Variants in IFT80 observed in about 807,000 individuals in gnomAD.
IFT80 encodes intraflagellar transport 80, also known as intraflagellar transport protein 80 homolog.
A neutral mutation model predicts 107.9 loss-of-function variants in IFT80; 79 were observed. The observed-to-expected ratio is 0.73, with a 90% CI of 0.61 to 0.88. IFT80 has a LOEUF of 0.88. Ranked by LOEUF, IFT80 falls within the 40% of genes least tolerant of loss-of-function variation. The pLI is 0.00. For synonymous variants in IFT80, 299 were observed against 300.9 expected (o/e 0.99, Z 0.07); for missense variants, 797 against 914.2 (o/e 0.87, Z 1.65).
At chr3:160,363,723 T>C (rs1284088071) in intron 6 of IFT80, among the ~76,000 whole-genome samples, 1 of 152,162 alleles carries the variant, frequency 6.6e-6, no homozygotes, top group African/African-American at 2.4e-5. Context: ...AACCATCTGA[T>C]CTTTGACAAA....
At chr3:160,285,995 T>G in intron 12 of IFT80, 127 bp from the exon 13 acceptor site, 1 of 616,084 alleles carries the variant, frequency 1.6e-6, no homozygotes, top group South Asian at 2.3e-5. Context: ...AGCAGCAGCA[T>G]CCAATTTTAA....
chr3:160,387,429 G>A (rs537549144), intron 1 of IFT80, among the ~76,000 whole-genome samples: 118 of 152,244 alleles, frequency 7.8e-4, no homozygotes, highest in African/African-American at 2.6e-3. Context: ...GCTTGAACCC[G>A]GGAAGTGGAG....
chr3:160,382,710 C>T (rs1712617039), intron 2 of IFT80, among the ~76,000 whole-genome samples: 1 of 152,068 alleles, frequency 6.6e-6, no homozygotes, highest in African/African-American at 2.4e-5. Flanking sequence ...CTTTTATTTC[C>T]TTCTTTTCTC....
chr3:160,275,044 A>T (rs1714144336), intron 18 of IFT80, among the ~76,000 whole-genome samples: 1 of 152,194 alleles, frequency 6.6e-6, no homozygotes, highest in African/African-American at 2.4e-5. Flanking sequence ...GTGCTTATTT[A>T]TATGTAAACC....
intron 19 of IFT80, among the ~76,000 whole-genome samples, chr3:160,260,276 T>C (rs1355322387): frequency 6.6e-6 from 1 of 152,216 alleles, no homozygotes; most frequent in African/African-American, 2.4e-5. Flanking sequence ...AAGCAGATGT[T>C]AGATTATTTG....
chr3:160,304,038 A>G, intron 10 of IFT80, 49 bp from the exon 11 acceptor site: 1 of 1,174,556 alleles, frequency 8.5e-7, no homozygotes, highest in Non-Finnish European at 1.3e-6. Context: ...AATACCAAAT[A>G]CTTTTAAATA....
chr3:160,296,287 A>G (rs1576767738), intron 12 of IFT80, among the ~76,000 whole-genome samples: 2 of 152,298 alleles, frequency 1.3e-5, no homozygotes, highest in Non-Finnish European at 2.9e-5. Flanking sequence ...ACTATATAAA[A>G]ATAAACTTCT....
chr3:160,300,395 T>G (rs1018985566), intron 12 of IFT80, among the ~76,000 whole-genome samples: 6 of 152,228 alleles, frequency 3.9e-5, no homozygotes, highest in African/African-American at 1.4e-4. Context: ...TTATAACTAC[T>G]AATGTGGCCT....
chr3:160,299,272 G>A lies in IFT80; in HGVS notation c.1315+1611C>T, dbSNP rs535890824. 1,548 of 1,161,174 alleles carry A rather than the reference G, an allele frequency of 1.3e-3. 3 individuals are homozygous for A. The highest frequency in any genetic ancestry group is 1.3e-3 in the Non-Finnish European group (1,235 of 920,948). 71.9% of individuals were successfully genotyped at this position (1,161,174 alleles called of 1,614,324 possible). ...TTACCAAAAGTCTTCTCTCAGAGAA[G>A]GCCTAAATGAAGAGATAGAAAAGCT... On this transcript the variant is annotated intron_variant, in intron 12 of 19. Transcript: ENST00000326448.
intron 18 of IFT80, among the ~76,000 whole-genome samples, chr3:160,272,764 C>T (rs1713918849): frequency 6.6e-6 from 1 of 152,106 alleles, no homozygotes. Context: ...TTGTATATCC[C>T]ACTCCCTACT....
intron 8 of IFT80, among the ~76,000 whole-genome samples, chr3:160,326,698 C>T (rs982097004): frequency 6.6e-6 from 1 of 152,060 alleles, no homozygotes; most frequent in Non-Finnish European, 1.5e-5. Flanking sequence ...ATATGACAAA[C>T]TTACAGCCAG....
At chr3:160,377,317 A>C in intron 4 of IFT80, 113 bp downstream of exon 4, 1 of 690,222 alleles carries the variant, frequency 1.4e-6, no homozygotes, top group Admixed American at 2.2e-5. Flanking sequence ...TACTATGCCA[A>C]TTATTTGCTA....
chr3:160,270,587 G>GAA (rs560276102), intron 18 of IFT80, among the ~76,000 whole-genome samples: 1 of 148,462 alleles, frequency 6.7e-6, no homozygotes, highest in African/African-American at 2.5e-5. Context: ...ACGTCTTTCA[G>GAA]AAAAAAAAAC....
intron 8 of IFT80, among the ~76,000 whole-genome samples, chr3:160,344,340 G>C (rs1009509812): frequency 2.0e-5 from 3 of 151,940 alleles, no homozygotes; most frequent in African/African-American, 7.3e-5. Context: ...CACTGATTTA[G>C]TCTTTGTCCA....
At chr3:160,370,952 CT>C (rs1456961127) in intron 5 of IFT80, among the ~76,000 whole-genome samples, 6 of 152,176 alleles carry the variant, frequency 3.9e-5, no homozygotes, top group African/African-American at 1.4e-4. Flanking sequence ...TCTACCTCCT[CT>C]AGTTTAACTT....
At position 160,283,997 on chromosome 3, in the gene IFT80, T is replaced by A. The variant is rs948601195; in HGVS notation, c.1381-1384A>T. Reference sequence around the variant, plus strand: ...CTAATACACAGACTTGAGTTCTAGTTTGGGCTCTGTTATTGGGAAGATCCT... The same window carrying A: ...CTAATACACAGACTTGAGTTCTAGTATGGGCTCTGTTATTGGGAAGATCCT... On this transcript the variant is annotated intron_variant, in intron 13 of 19. Transcript: ENST00000326448. Among the ~76,000 whole-genome samples, 6 of 152,296 alleles carry A rather than the reference T, an allele frequency of 3.9e-5. No individual in the cohort carries two copies. The East Asian group carries it at 1.2e-3, about 29-fold the overall frequency.
At chr3:160,384,501 G>T in intron 2 of IFT80, 63 bp downstream of exon 2, 1 of 1,379,298 alleles carries the variant, frequency 7.3e-7, no homozygotes, top group Admixed American at 2.5e-5. Context: ...ATAAAATAGA[G>T]AAACTTTTAA....
At chr3:160,397,135 T>C (rs1411277819) in intron 1 of IFT80, among the ~76,000 whole-genome samples, 2 of 152,162 alleles carry the variant, frequency 1.3e-5, no homozygotes, top group African/African-American at 4.8e-5. Flanking sequence ...CTCTGAACCA[T>C]CACAATCTAC....
intron 8 of IFT80, among the ~76,000 whole-genome samples, chr3:160,354,063 T>A (rs1324050004): frequency 6.6e-6 from 1 of 152,184 alleles, no homozygotes; most frequent in East Asian, 1.9e-4. Flanking sequence ...AACTATTGGA[T>A]TTTATAAACT....
Sources: gnomAD v4.1 joint callset for allele counts (sites outside exome capture counted in the v4.1 genomes callset) on GRCh38, gnomAD v4.1.1 for gene constraint, MANE v1.5 for transcripts, NCBI Gene and HGNC (gene_info 2026-07-23, HGNC 2026-07-21) for gene names.